The following ACAT2 variants were observed in gnomAD, a reference collection of about 807,000 sequenced individuals.
ACAT2 encodes the protein acetyl-CoA acetyltransferase, cytosolic.
In ACAT2, 26 loss-of-function variants were observed where a neutral mutation model predicts 37.1. The ratio of observed to expected loss-of-function variants is 0.70; its 90% confidence interval spans 0.51 to 0.97. The LOEUF is 0.97. Among genes scored for constraint, ACAT2 ranks in the 50% least tolerant of loss-of-function variants. ACAT2 has a pLI of 0.00. For synonymous variants in ACAT2, 156 were observed against 163.6 expected, an observed-to-expected ratio of 0.95 and a Z score of 0.35; for missense variants, 468 against 489.0, an observed-to-expected ratio of 0.96 and a Z score of 0.40.
intron 1 of ACAT2, 151 bp from the exon 2 acceptor site, chr6:159,762,768 A>AG: frequency 6.3e-7 from 1 of 1,587,770 alleles, no homozygotes; most frequent in South Asian, 1.1e-5. Context: ...ACCTTTGCTC[A>AG]GACCAGCAGG....
At chr6:159,762,396 C>T (rs1284422724) in intron 1 of ACAT2, 2 of 1,378,490 alleles carry the variant, frequency 1.5e-6, no homozygotes, top group East Asian at 2.7e-5. Context: ...AGAGCCATCG[C>T]GTGGCCTGCC....
chr6:159,767,296 C>A (rs1780270905), intron 3 of ACAT2, 110 bp downstream of exon 3: 2 of 1,160,362 alleles, frequency 1.7e-6, no homozygotes, highest in East Asian at 2.4e-5. Flanking sequence ...AAACAGTGAA[C>A]AAATAAACAG....
chr6:159,769,931 G>C (rs966111419), intron 4 of ACAT2, among the ~76,000 whole-genome samples: 2 of 152,344 alleles, frequency 1.3e-5, no homozygotes, highest in South Asian at 2.1e-4. Flanking sequence ...GTAGAAAAGA[G>C]CTGCAAAGGA....
intron 1 of ACAT2, 173 bp from the exon 2 acceptor site, chr6:159,762,746 G>A: frequency 1.3e-6 from 2 of 1,567,318 alleles, no homozygotes; most frequent in Non-Finnish European, 1.7e-6. Flanking sequence ...GCGAGTTGTG[G>A]CACCCACCTT....
chr6:159,773,584 G>A (rs1235303135), intron 4 of ACAT2, among the ~76,000 whole-genome samples: 1 of 152,108 alleles, frequency 6.6e-6, no homozygotes, highest in Non-Finnish European at 1.5e-5. Flanking sequence ...ATAGTAATGG[G>A]TTGTAACTGC....
intron 6 of ACAT2, 68 bp from the exon 7 acceptor site, chr6:159,777,233 TA>T: frequency 6.6e-7 from 1 of 1,526,086 alleles, no homozygotes. Flanking sequence ...CTTCAGGTGG[TA>T]AAGAAGCCAC....
intron 4 of ACAT2, among the ~76,000 whole-genome samples, chr6:159,770,311 C>A (rs985040223): frequency 6.6e-6 from 1 of 152,060 alleles, no homozygotes; most frequent in Non-Finnish European, 1.5e-5. Flanking sequence ...TGGAAAAAAA[C>A]CACAACAGTC....
At chr6:159,774,644 G>C (rs372164017) in intron 4 of ACAT2, among the ~76,000 whole-genome samples, 22 of 152,068 alleles carry the variant, frequency 1.4e-4, no homozygotes, top group African/African-American at 5.1e-4. Flanking sequence ...GGGTCTCGCT[G>C]TGCCCAGGCT....
At chr6:159,769,841 G>T (rs867468277) in intron 4 of ACAT2, among the ~76,000 whole-genome samples, 1 of 152,206 alleles carries the variant, frequency 6.6e-6, no homozygotes, top group South Asian at 2.1e-4. Context: ...AAGAAAAAAA[G>T]AGCTCCAGAA....
At chr6:159,765,986 T>C (rs898702907) in intron 2 of ACAT2, among the ~76,000 whole-genome samples, 1 of 152,210 alleles carries the variant, frequency 6.6e-6, no homozygotes, top group Non-Finnish European at 1.5e-5. Flanking sequence ...ACATTTACCA[T>C]TGACTCTGAT....
chr6:159,774,316 A>G (rs1041696012), intron 4 of ACAT2, among the ~76,000 whole-genome samples: 2 of 152,252 alleles, frequency 1.3e-5, no homozygotes, highest in Admixed American at 6.5e-5. Context: ...AACTAGAGAG[A>G]TTGATAGTTG....
chr6:159,764,692 G>A (rs933347613), intron 2 of ACAT2, among the ~76,000 whole-genome samples: 1 of 152,122 alleles, frequency 6.6e-6, no homozygotes, highest in African/African-American at 2.4e-5. Flanking sequence ...CACAATCATG[G>A]TGCACCATGC....
chr6:159,764,089 AGT>A (rs1427661783), intron 2 of ACAT2, among the ~76,000 whole-genome samples: 1 of 151,896 alleles, frequency 6.6e-6, no homozygotes, highest in Non-Finnish European at 1.5e-5. Context: ...TGGGCAACAG[AGT>A]GAGACTCCTT....
chr6:159,775,993 G>C (rs1780406728), intron 5 of ACAT2, 157 bp from the exon 6 acceptor site: 1 of 728,864 alleles, frequency 1.4e-6, no homozygotes, highest in African/African-American at 1.8e-5. Context: ...AATAATTCTT[G>C]TGTGTACTTT....
At position 159,779,057 on chromosome 6, in the gene ACAT2, G is replaced by A; in HGVS notation, c.*228G>A. On this transcript the variant is annotated 3_prime_UTR_variant, in exon 9 of 9. Coordinates refer to ENST00000367048, the MANE Select transcript of ACAT2 (RefSeq NM_005891.3). ...AAGGAACATCAGATCAATCATTAAG[G>A]GCTCCAGAGTGAACAGCATCTTCAT... The A allele has an allele frequency of 1.9e-6, 3 of 1,613,222 alleles. No homozygotes were observed. Among genetic ancestry groups the A allele is most frequent in the South Asian group, 1.1e-5 (1 of 91,022 alleles).
Position 159,767,007 on chromosome 6 carries a change from T to A in ACAT2, c.193T>A (p.Cys65Ser). 1 of 1,614,022 alleles carries A rather than the reference T, an allele frequency of 6.2e-7. No homozygotes were observed. Among genetic ancestry groups the A allele is most frequent in the Non-Finnish European group, 8.5e-7 (1 of 1,179,876 alleles). The change falls in exon 3 of 9, where the codon TGT (cysteine) becomes AGT (serine). Residue 65 changes from cysteine (C) to serine (S), a missense_variant and splice_region_variant. By Grantham distance (112) the Cys-to-Ser change is moderately radical. Transcript: ENST00000367048. ...VIFGHVLAAG[C>S]GQNPVRQASV... is the part of the protein sequence containing the mutation. ...GTCCTCTGTGTTCCTCTTTCTAGGC[T>A]GTGGGCAGAATCCTGTTAGACAAGC...
At position 159,778,196 on chromosome 6, in the gene ACAT2, A is replaced by C; in HGVS notation, c.939A>C (p.Glu313Asp). 1.9e-6 allele frequency: 3 copies of C among 1,612,584 alleles called. No individual in the cohort carries two copies. The South Asian group carries it at 3.3e-5, about 18-fold the overall frequency. Residue 313 changes from glutamate (E) to aspartate (D), a missense_variant, in exon 8 of 9, where the codon GAA becomes GAC. Coordinates refer to ENST00000367048, the MANE Select transcript of ACAT2 (RefSeq NM_005891.3). Reference sequence around the variant, plus strand: ...TTACAAAAGCAGGTTGGTCACTGGAAGATGTTGACATATTTGAAATCAATG... The same window carrying C: ...TTACAAAAGCAGGTTGGTCACTGGACGATGTTGACATATTTGAAATCAATG... ...QAVTKAGWSL[E>D]DVDIFEINEA...
intron 4 of ACAT2, among the ~76,000 whole-genome samples, chr6:159,774,726 C>T (rs1780387567): frequency 6.6e-6 from 1 of 152,192 alleles, no homozygotes; most frequent in Admixed American, 6.5e-5. Flanking sequence ...CAGGTGTGAG[C>T]CGCCACACTT....
chr6:159,777,502 G>A, intron 7 of ACAT2, 46 bp downstream of exon 7: 1 of 1,567,874 alleles, frequency 6.4e-7, no homozygotes, highest in Non-Finnish European at 8.6e-7. Context: ...CTTCCTGTTA[G>A]CCTTAAGTGA....
Sources: allele counts gnomAD v4.1 joint callset (sites outside exome capture counted in the v4.1 genomes callset), GRCh38; gene constraint gnomAD v4.1.1; transcripts MANE v1.5; gene names NCBI Gene and HGNC (gene_info 2026-07-23, HGNC 2026-07-21).